Variants in NRXN1 observed in about 807,000 individuals in gnomAD.
NRXN1 encodes neurexin-1.
In NRXN1, 39 loss-of-function variants were observed where a neutral mutation model predicts 150.9. The observed-to-expected ratio is 0.26, with a 90% CI of 0.20 to 0.34. The LOEUF (loss-of-function observed/expected upper bound fraction) is 0.34, where lower values mean the gene tolerates loss of function less well. Among genes scored for constraint, NRXN1 ranks in the 10% least tolerant of loss-of-function variants. The pLI, the probability that NRXN1 is intolerant of heterozygous loss-of-function variation, is 1.00. For synonymous variants in NRXN1, 924 were observed against 757.0 expected (o/e 1.22, Z -3.62); for missense variants, 1,815 against 1,949.9 (o/e 0.93, Z 1.30).
intron 17 of NRXN1, among the ~76,000 whole-genome samples, chr2:50,260,754 G>A (rs2068183348): frequency 6.7e-6 from 1 of 148,710 alleles, no homozygotes. Flanking sequence ...GTTAATCCAA[G>A]ATGTATGAAG....
intron 2 of NRXN1, among the ~76,000 whole-genome samples, chr2:50,970,302 G>A (rs1575087713): frequency 2.0e-5 from 3 of 152,192 alleles, no homozygotes; most frequent in Admixed American, 2.0e-4. Context: ...CAGGAGGTCA[G>A]AGAAAAACTT....
chr2:50,052,446 T>C (rs180755841), intron 21 of NRXN1, among the ~76,000 whole-genome samples: 1 of 152,232 alleles, frequency 6.6e-6, no homozygotes, highest in East Asian at 1.9e-4. Context: ...TTGAACAGCA[T>C]CTAACAGCAT....
In NRXN1 at chr2:50,933,500, C is replaced by G. The variant is rs553161669; in HGVS notation, c.773-7545G>C. Among the ~76,000 whole-genome samples the G allele has an allele frequency of 1.3e-4, 20 of 152,124 alleles. No homozygotes were observed. In the South Asian group the frequency reaches 3.9e-3, roughly 30 times the overall value. ...ACTAAATACTATACAAACTGCAATT[C>G]TCTTTTGGAAAAAAAGTGTTTTGTG... On this transcript the variant is annotated intron_variant, in intron 2 of 22. Coordinates refer to ENST00000401669, the MANE Select transcript of NRXN1 (RefSeq NM_001330078.2).
At chr2:50,117,681 A>G (rs1484871545) in intron 18 of NRXN1, among the ~76,000 whole-genome samples, 1 of 152,018 alleles carries the variant, frequency 6.6e-6, no homozygotes, top group Non-Finnish European at 1.5e-5. Flanking sequence ...TAAGCAACTG[A>G]CTAGTGTGTA....
intron 5 of NRXN1, among the ~76,000 whole-genome samples, chr2:50,908,633 T>C (rs1272509571): frequency 2.0e-5 from 3 of 150,438 alleles, no homozygotes; most frequent in East Asian, 1.9e-4. Flanking sequence ...AAATAAAATA[T>C]GGAAGAGAAA....
At chr2:50,077,740 G>T (rs1697318460) in intron 19 of NRXN1, among the ~76,000 whole-genome samples, 5 of 151,846 alleles carry the variant, frequency 3.3e-5, no homozygotes, top group African/African-American at 1.2e-4. Context: ...ATACTTCATT[G>T]GAAATGCATA....
intron 17 of NRXN1, among the ~76,000 whole-genome samples, chr2:50,284,159 G>T (rs2071814919): frequency 6.6e-6 from 1 of 152,140 alleles, no homozygotes; most frequent in African/African-American, 2.4e-5. Flanking sequence ...CATAACACTG[G>T]TACAGTGACC....
At chr2:50,218,138 T>C (rs2063531265) in intron 18 of NRXN1, among the ~76,000 whole-genome samples, 1 of 152,086 alleles carries the variant, frequency 6.6e-6, no homozygotes, top group Non-Finnish European at 1.5e-5. Context: ...CATTATTGTC[T>C]TTACATCATT....
intron 5 of NRXN1, among the ~76,000 whole-genome samples, chr2:50,624,013 C>G (rs1275485999): frequency 2.0e-5 from 3 of 152,036 alleles, no homozygotes; most frequent in Non-Finnish European, 4.4e-5. Flanking sequence ...CAATTCCCAC[C>G]TATGAGTGAG....
chr2:50,775,077 T>C (rs1420800002), intron 5 of NRXN1, among the ~76,000 whole-genome samples: 1 of 152,140 alleles, frequency 6.6e-6, no homozygotes, highest in African/African-American at 2.4e-5. Context: ...AAGCACAAAT[T>C]AGAAAGAATG....
chr2:50,465,656 C>G, intron 16 of NRXN1, 95 bp from the exon 17 acceptor site: 2 of 1,313,822 alleles, frequency 1.5e-6, no homozygotes, highest in Non-Finnish European at 2.1e-6. Flanking sequence ...GCCAACACCA[C>G]AGATGATATG....
chr2:50,530,962 C>A (rs2093085375), intron 11 of NRXN1, among the ~76,000 whole-genome samples: 1 of 152,076 alleles, frequency 6.6e-6, no homozygotes, highest in Non-Finnish European at 1.5e-5. Flanking sequence ...TTTATATTTT[C>A]AATTAACCTC....
chr2:50,485,902 C>T (rs947501920), intron 15 of NRXN1, among the ~76,000 whole-genome samples: 4 of 152,224 alleles, frequency 2.6e-5, no homozygotes, highest in African/African-American at 7.2e-5. Flanking sequence ...AAGGCAGTAG[C>T]CGAACTTGCC....
At chr2:50,693,915 C>A (rs1215655279) in intron 5 of NRXN1, among the ~76,000 whole-genome samples, 1 of 152,154 alleles carries the variant, frequency 6.6e-6, no homozygotes, top group East Asian at 1.9e-4. Context: ...CCTCAGCCTC[C>A]TGAGTATCTG....
At chr2:50,415,279 C>T (rs2083455972) in intron 17 of NRXN1, among the ~76,000 whole-genome samples, 1 of 152,136 alleles carries the variant, frequency 6.6e-6, no homozygotes, top group East Asian at 1.9e-4. Context: ...CAGATTAATG[C>T]ACTTTCCCTT....
chr2:50,976,454 G>C (rs574886156), intron 2 of NRXN1, among the ~76,000 whole-genome samples: 1 of 151,966 alleles, frequency 6.6e-6, no homozygotes, highest in South Asian at 2.1e-4. Context: ...GTTTTGAAGA[G>C]AATATGTTAT....
intron 17 of NRXN1, among the ~76,000 whole-genome samples, chr2:50,433,413 GTTA>G (rs1214271514): frequency 1.3e-5 from 2 of 152,050 alleles, no homozygotes; most frequent in Non-Finnish European, 2.9e-5. Flanking sequence ...TATGCCATGT[GTTA>G]TTATTATTTT....
intron 15 of NRXN1, among the ~76,000 whole-genome samples, chr2:50,492,635 T>G (rs557776170): frequency 6.6e-6 from 1 of 152,188 alleles, no homozygotes; most frequent in Non-Finnish European, 1.5e-5. Context: ...CCGGGTCCTA[T>G]GCAGCATGTT....
In NRXN1 at chr2:50,347,605, T is replaced by C; in HGVS notation, c.3365-110635A>G. 1 of 1,008,912 alleles carries C rather than the reference T, an allele frequency of 9.9e-7. No homozygotes were observed. The highest frequency in any genetic ancestry group is 1.2e-6 in the Non-Finnish European group (1 of 844,214). 62.5% of individuals were successfully genotyped at this position (1,008,912 alleles called of 1,614,324 possible). A position where few individuals can be genotyped will look rare whatever the true frequency, so the allele number is the denominator to read the frequency against. ...CGAGGCAATCTCCGCGTCCGCCGCCTCCTGACACTTACGCCCGGCGAGGGG... is the reference window on the plus strand; with the variant it reads ...CGAGGCAATCTCCGCGTCCGCCGCCCCCTGACACTTACGCCCGGCGAGGGG... On this transcript the variant is annotated intron_variant, in intron 17 of 22. Coordinates refer to ENST00000401669, the MANE Select transcript of NRXN1 (RefSeq NM_001330078.2). This position sits in a 1 kb window ranked among gnomAD's most constrained non-coding sequence, Gnocchi z 4.9.
Sources: allele counts gnomAD v4.1 joint callset (sites outside exome capture counted in the v4.1 genomes callset), GRCh38; gene constraint gnomAD v4.1.1; non-coding constraint Gnocchi (gnomAD v3.1); transcripts MANE v1.5; gene names NCBI Gene and HGNC (gene_info 2026-07-23, HGNC 2026-07-21).